Variants in PRKN observed in about 807,000 individuals in gnomAD.
PRKN encodes the protein parkin RBR E3 ubiquitin protein ligase, also known as E3 ubiquitin-protein ligase parkin.
A neutral mutation model predicts 59.5 loss-of-function variants in PRKN; 56 were observed. That is an observed-to-expected ratio of 0.94 (90% confidence interval 0.76 to 1.18). The LOEUF is 1.18. Ranked by LOEUF, PRKN falls within the 50% of genes most tolerant of loss-of-function variation. The pLI, the probability that PRKN is intolerant of heterozygous loss-of-function variation, is 0.00. For missense variants in PRKN, 657 were observed against 596.4 expected, an observed-to-expected ratio of 1.10 and a Z score of -1.06; for synonymous variants, 250 against 222.1, an observed-to-expected ratio of 1.13 and a Z score of -1.12.
chr6:162,550,686 G>A (rs1001580218), intron 1 of PRKN, among the ~76,000 whole-genome samples: 10 of 152,152 alleles, frequency 6.6e-5, no homozygotes, highest in African/African-American at 2.2e-4. Context: ...CATATGTTAG[G>A]TTTTAAACAG....
chr6:162,579,524 CAG>C (rs747732039), intron 1 of PRKN, among the ~76,000 whole-genome samples: 11 of 122,496 alleles, frequency 9.0e-5, no homozygotes, highest in Admixed American at 3.3e-4. Context: ...CAGATTCACA[CAG>C]ATTCTCATAC....
At chr6:162,675,469 T>C (rs137940035) in intron 1 of PRKN, among the ~76,000 whole-genome samples, 76 of 152,228 alleles carry the variant, frequency 5.0e-4, no homozygotes, top group African/African-American at 1.2e-3. Context: ...ATCTGTGTAA[T>C]AGATGACAGG....
At chr6:162,001,816 A>G (rs1025124093) in intron 5 of PRKN, among the ~76,000 whole-genome samples, 22 of 149,642 alleles carry the variant, frequency 1.5e-4, no homozygotes, top group Admixed American at 1.3e-3. Context: ...CAAGTTTAGA[A>G]AGTTCCCCTG....
chr6:161,960,776 A>T (rs1279697505), intron 6 of PRKN, among the ~76,000 whole-genome samples: 1 of 152,202 alleles, frequency 6.6e-6, no homozygotes. Context: ...CAGTCTGTGG[A>T]TTTAAGAACA....
chr6:161,880,249 A>G (rs1220768483), intron 6 of PRKN, among the ~76,000 whole-genome samples: 2 of 152,222 alleles, frequency 1.3e-5, no homozygotes, highest in Non-Finnish European at 2.9e-5. Context: ...CACATGGCAT[A>G]TGTGTATGGT....
chr6:161,680,323 G>T (rs929697503), intron 7 of PRKN, among the ~76,000 whole-genome samples: 1 of 151,996 alleles, frequency 6.6e-6, no homozygotes, highest in Non-Finnish European at 1.5e-5. Flanking sequence ...AGGTTAACAC[G>T]CCTTAATAAA....
intron 6 of PRKN, among the ~76,000 whole-genome samples, chr6:161,829,988 T>C (rs1188129656): frequency 1.3e-5 from 2 of 152,172 alleles, no homozygotes; most frequent in Admixed American, 6.5e-5. Flanking sequence ...GTCATATTCA[T>C]GTTGGTGCCC....
chr6:161,716,126 C>T (rs1174182301), intron 7 of PRKN: 1 of 1,344,516 alleles, frequency 7.4e-7, no homozygotes, highest in Non-Finnish European at 9.8e-7. Context: ...ACTGTGTCTC[C>T]AGTTCCTGGT....
chr6:161,652,529 T>C (rs974699823), intron 7 of PRKN, among the ~76,000 whole-genome samples: 5 of 152,214 alleles, frequency 3.3e-5, no homozygotes, highest in African/African-American at 1.2e-4. Context: ...TTTTTCTAGT[T>C]TTATCATTAC....
At chr6:161,904,473 G>A (rs1174441676) in intron 6 of PRKN, among the ~76,000 whole-genome samples, 1 of 151,724 alleles carries the variant, frequency 6.6e-6, no homozygotes, top group African/African-American at 2.4e-5. Flanking sequence ...CTGCCACCAC[G>A]CCCAGCTAAT....
rs1257441018 is a variant in PRKN, at chr6:161,527,351, G to C, written c.1083+21503C>G. On this transcript the variant is annotated intron_variant, in intron 9 of 11. Coordinates refer to ENST00000366898, the MANE Select transcript of PRKN (RefSeq NM_004562.3). This position sits in a 1 kb window ranked among gnomAD's most constrained non-coding sequence, Gnocchi z 4.6. ...CCCCAACGGCATCAAGTATGAACTT[G>C]GAGCCAGGGCTTTGGTGTACATTTC... is the stretch of plus-strand genomic sequence containing the variant. 6.6e-6 allele frequency among the ~76,000 whole-genome samples: 1 copy of C among 152,154 alleles called. No individual in the cohort carries two copies. Among genetic ancestry groups the C allele is most frequent in the Non-Finnish European group, 1.5e-5 (1 of 68,030 alleles).
intron 7 of PRKN, among the ~76,000 whole-genome samples, chr6:161,724,928 C>T (rs1311603303): frequency 6.6e-6 from 1 of 152,194 alleles, no homozygotes; most frequent in South Asian, 2.1e-4. Flanking sequence ...GCTGTCTTCA[C>T]AAATAGTGAG....
chr6:162,077,887 C>A (rs1778894939), intron 4 of PRKN, among the ~76,000 whole-genome samples: 1 of 151,000 alleles, frequency 6.6e-6, no homozygotes. Context: ...GTAATCCCAG[C>A]TAACTCAGTA....
chr6:162,581,460 A>G (rs2128211374), intron 1 of PRKN, among the ~76,000 whole-genome samples: 1 of 152,318 alleles, frequency 6.6e-6, no homozygotes. Flanking sequence ...TTCATATACA[A>G]AGACAAATAT....
In PRKN at chr6:161,437,659, A is replaced by G. The variant is rs140445433; in HGVS notation, c.1084-50782T>C. Reference sequence around the variant, plus strand: ...GATGTGACCTCACCTGAGCTGGGACAGGCTGTGTATAAAAACCAAGCATCA... The same window carrying G: ...GATGTGACCTCACCTGAGCTGGGACGGGCTGTGTATAAAAACCAAGCATCA... On this transcript the variant is annotated intron_variant, in intron 9 of 11. Transcript: ENST00000366898. 1.5e-3 allele frequency among the ~76,000 whole-genome samples: 221 copies of G among 152,294 alleles called. 1 individual carries two copies. Among genetic ancestry groups the G allele is most frequent in the African/African-American group, 5.1e-3 (210 of 41,550 alleles).
chr6:161,375,724 C>T (rs1392918415), intron 10 of PRKN, among the ~76,000 whole-genome samples: 1 of 152,180 alleles, frequency 6.6e-6, no homozygotes, highest in Non-Finnish European at 1.5e-5. Flanking sequence ...CAGAGCAAAC[C>T]TTCGCACACA....
intron 1 of PRKN, among the ~76,000 whole-genome samples, chr6:162,577,149 C>A (rs1246511078): frequency 6.6e-6 from 1 of 151,940 alleles, no homozygotes; most frequent in African/African-American, 2.4e-5. Flanking sequence ...GTTATATCTT[C>A]AATCTATAAA....
At chr6:162,176,659 G>A (rs1402967833) in intron 4 of PRKN, among the ~76,000 whole-genome samples, 1 of 152,008 alleles carries the variant, frequency 6.6e-6, no homozygotes, top group Non-Finnish European at 1.5e-5. Context: ...CTTGATAATC[G>A]ACAGGTGACT....
chr6:162,716,770 A>ACGCACACACACACGCG, intron 1 of PRKN, among the ~76,000 whole-genome samples: 1 of 136,344 alleles, frequency 7.3e-6, no homozygotes, highest in Middle Eastern at 3.8e-3. Flanking sequence ...GCGCGCGCGC[A>ACGCACACACACACGCG]CGCACACACA....
Sources: gnomAD v4.1 joint callset for allele counts (sites outside exome capture counted in the v4.1 genomes callset) on GRCh38, gnomAD v4.1.1 for gene constraint, Gnocchi (gnomAD v3.1) non-coding constraint, MANE v1.5 for transcripts, NCBI Gene and HGNC (gene_info 2026-07-23, HGNC 2026-07-21) for gene names.